CSGALNACT1: variants seen among roughly 807,000 people sequenced by gnomAD.
CSGALNACT1 encodes the protein chondroitin sulfate N-acetylgalactosaminyltransferase 1, also known as beta4GalNAcT-1.
A neutral mutation model predicts 51.0 loss-of-function variants in CSGALNACT1; 52 were observed. The observed-to-expected ratio is 1.02, with a 90% CI of 0.82 to 1.29. The LOEUF is 1.29. CSGALNACT1 is among the 50% of genes most tolerant of loss of function. The probability of loss-of-function intolerance (pLI) is 0.00; values close to 1 mark genes in which losing one functional copy is unlikely to be tolerated. For synonymous variants in CSGALNACT1, 341 were observed against 254.4 expected (o/e 1.34, Z -3.24); for missense variants, 935 against 679.2 (o/e 1.38, Z -4.19).
intron 1 of CSGALNACT1, among the ~76,000 whole-genome samples, chr8:19,752,001 C>T (rs924222221): frequency 2.0e-5 from 3 of 149,566 alleles, no homozygotes; most frequent in Admixed American, 2.0e-4. Flanking sequence ...TATTACATAA[C>T]ATTTTTAAAA....
At chr8:19,613,322 T>A (rs537458600) in intron 1 of CSGALNACT1, among the ~76,000 whole-genome samples, 24 of 152,366 alleles carry the variant, frequency 1.6e-4, no homozygotes, top group African/African-American at 5.8e-4. Context: ...GCAATTATTC[T>A]ATGATAAACC....
chr8:19,599,522 A>AAGAAAG (rs2049906212), intron 2 of CSGALNACT1, among the ~76,000 whole-genome samples: 1 of 150,366 alleles, frequency 6.7e-6, no homozygotes, highest in African/African-American at 2.4e-5. Flanking sequence ...GAAAGAAAGA[A>AAGAAAG]AGAAAAGAAA....
At chr8:19,488,913 C>T (rs4922041) in intron 4 of CSGALNACT1, among the ~76,000 whole-genome samples, 126,250 of 152,138 alleles carry the variant, frequency 0.83, 52,463 homozygotes, top group Admixed American at 0.87. Flanking sequence ...TGAGTCACAG[C>T]AGAATACAGG....
At chr8:19,743,284 C>T (rs965075768) in intron 1 of CSGALNACT1, among the ~76,000 whole-genome samples, 6 of 152,122 alleles carry the variant, frequency 3.9e-5, no homozygotes, top group Admixed American at 1.3e-4. Flanking sequence ...CCTGAGAGTA[C>T]GCAGCAATAA....
At chr8:19,539,379 GCCTTC>G (rs1049768375) in intron 3 of CSGALNACT1, among the ~76,000 whole-genome samples, 3 of 152,110 alleles carry the variant, frequency 2.0e-5, no homozygotes, top group African/African-American at 7.2e-5. Flanking sequence ...TTTATTATCT[GCCTTC>G]CCTTCAAGAA....
chr8:19,506,545 T>C (rs1314812165), intron 3 of CSGALNACT1, among the ~76,000 whole-genome samples: 2 of 152,218 alleles, frequency 1.3e-5, no homozygotes, highest in Non-Finnish European at 2.9e-5. Context: ...CTGTGTTTGT[T>C]TGTCCCCTCC....
chr8:19,406,566 CA>C (rs1374827247), intron 9 of CSGALNACT1, among the ~76,000 whole-genome samples: 2 of 118,324 alleles, frequency 1.7e-5, no homozygotes, highest in Non-Finnish European at 3.3e-5. Flanking sequence ...ATGCCTGTAT[CA>C]AAACATCACA....
chr8:19,638,465 C>T (rs1235030822), intron 1 of CSGALNACT1, among the ~76,000 whole-genome samples: 1 of 152,218 alleles, frequency 6.6e-6, no homozygotes, highest in South Asian at 2.1e-4. Flanking sequence ...GTTAATTGTT[C>T]TAGTTATTTC....
intron 3 of CSGALNACT1, among the ~76,000 whole-genome samples, chr8:19,575,593 C>T (rs550525131): frequency 6.6e-6 from 1 of 152,170 alleles, no homozygotes; most frequent in Admixed American, 6.5e-5. Flanking sequence ...CAAAACAAAA[C>T]CTTTGAAACA....
chr8:19,547,339 A>AC (rs765361711), intron 3 of CSGALNACT1, among the ~76,000 whole-genome samples: 2 of 152,212 alleles, frequency 1.3e-5, no homozygotes, highest in Non-Finnish European at 2.9e-5. Context: ...TTTGTGAATG[A>AC]CATGGCTTGG....
At chr8:19,588,982 C>T (rs1483336603) in intron 3 of CSGALNACT1, among the ~76,000 whole-genome samples, 2 of 152,188 alleles carry the variant, frequency 1.3e-5, no homozygotes, top group African/African-American at 2.4e-5. Context: ...TTGACACAAT[C>T]ACTGAGTGGG....
intron 5 of CSGALNACT1, among the ~76,000 whole-genome samples, chr8:19,448,690 G>A (rs916506142): frequency 5.9e-5 from 9 of 152,168 alleles, no homozygotes; most frequent in East Asian, 1.9e-4. Context: ...AAGGGCAGAG[G>A]CAGGGCTTTC....
intron 3 of CSGALNACT1, among the ~76,000 whole-genome samples, chr8:19,541,827 T>A (rs1377143040): frequency 6.6e-6 from 1 of 152,156 alleles, no homozygotes; most frequent in African/African-American, 2.4e-5. Context: ...TCTATTTTCC[T>A]ATTCTTAAAA....
At chr8:19,643,272 G>A (rs2056924625) in intron 1 of CSGALNACT1, among the ~76,000 whole-genome samples, 1 of 152,112 alleles carries the variant, frequency 6.6e-6, no homozygotes, top group African/African-American at 2.4e-5. Context: ...ATAATAAAGT[G>A]TCAATATTCC....
intron 1 of CSGALNACT1, among the ~76,000 whole-genome samples, chr8:19,748,463 C>A (rs530143807): frequency 7.2e-5 from 11 of 152,294 alleles, no homozygotes; most frequent in African/African-American, 2.6e-4. Flanking sequence ...GCAAATATAG[C>A]ATGCTCCTCC....
At chr8:19,548,287 C>T (rs1402313195) in intron 3 of CSGALNACT1, among the ~76,000 whole-genome samples, 1 of 152,054 alleles carries the variant, frequency 6.6e-6, no homozygotes, top group Admixed American at 6.5e-5. Context: ...ACTAAAATTG[C>T]TTAATATTAA....
intron 3 of CSGALNACT1, among the ~76,000 whole-genome samples, chr8:19,552,212 A>T (rs772275470): frequency 1.3e-5 from 2 of 152,216 alleles, no homozygotes; most frequent in Non-Finnish European, 2.9e-5. Context: ...ATGAAGAATT[A>T]TTATAGACAC....
intron 4 of CSGALNACT1, among the ~76,000 whole-genome samples, chr8:19,469,713 CCTACTCTCAGT>C (rs1391738250): frequency 6.6e-6 from 1 of 152,192 alleles, no homozygotes; most frequent in East Asian, 1.9e-4. Flanking sequence ...TGAGGCTTTA[CCTACTCTCAGT>C]CTCTGAAGCC....
At chr8:19,589,930 T>C (rs1054348952) in intron 3 of CSGALNACT1, among the ~76,000 whole-genome samples, 22 of 152,200 alleles carry the variant, frequency 1.4e-4, no homozygotes, top group African/African-American at 5.3e-4. Context: ...ATCACATACA[T>C]AGTGTAGTTA....
Sources: allele counts gnomAD v4.1 joint callset (sites outside exome capture counted in the v4.1 genomes callset), GRCh38; gene constraint gnomAD v4.1.1; transcripts MANE v1.5; gene names NCBI Gene and HGNC (gene_info 2026-07-23, HGNC 2026-07-21).